ROCK1: variants seen among roughly 807,000 people sequenced by gnomAD.
ROCK1 encodes Rho associated coiled-coil containing protein kinase 1.
In ROCK1, 36 loss-of-function variants were observed where a neutral mutation model predicts 196.8. The ratio of observed to expected loss-of-function variants is 0.18; its 90% confidence interval spans 0.14 to 0.24. The LOEUF is 0.24. Ranked by LOEUF, ROCK1 falls within the 10% of genes least tolerant of loss-of-function variation. ROCK1 has a pLI of 1.00. For synonymous variants in ROCK1, 443 were observed against 515.9 expected (o/e 0.86, Z 1.91); for missense variants, 920 against 1,562.0 (o/e 0.59, Z 6.93).
At chr18:21,095,361 T>C (rs2036604682) in intron 1 of ROCK1, among the ~76,000 whole-genome samples, 1 of 152,016 alleles carries the variant, frequency 6.6e-6, no homozygotes. Flanking sequence ...TCTAGGTACA[T>C]ATGCAAAAGA....
intron 4 of ROCK1, among the ~76,000 whole-genome samples, chr18:21,046,798 ATT>A (rs1398960786): frequency 6.6e-6 from 1 of 152,042 alleles, no homozygotes; most frequent in Admixed American, 6.6e-5. Context: ...TTAATGTTTC[ATT>A]TTTTTCAACT....
chr18:21,036,697 C>T lies in ROCK1; in HGVS notation c.1051+2775G>A, dbSNP rs1300770156. ...CCTCAAGAGGTCCTCCCACCTTGGC[C>T]TCCCAAAGTGCTGAGATGACAAGCA... On this transcript the variant is annotated intron_variant, in intron 9 of 32. Transcript: ENST00000399799. 5.3e-5 allele frequency among the ~76,000 whole-genome samples: 8 copies of T among 152,186 alleles called. No homozygotes were observed. The South Asian group carries it at 8.3e-4, about 16-fold the overall frequency.
At chr18:21,096,970 T>C (rs997619874) in intron 1 of ROCK1, among the ~76,000 whole-genome samples, 1 of 152,308 alleles carries the variant, frequency 6.6e-6, no homozygotes, top group Admixed American at 6.5e-5. Flanking sequence ...AACACAGTTG[T>C]GATTTATGTC....
rs2035652249 is a variant in ROCK1, at chr18:20,994,335, T to C, written c.1886-1398A>G. ...ATTATAATTTAAAAAATAAATGATA[T>C]AATTATCTTTAAAATAGGCCAGGTG... is the stretch of plus-strand genomic sequence containing the variant. On this transcript the variant is annotated intron_variant, in intron 16 of 32. Coordinates refer to ENST00000399799, the MANE Select transcript of ROCK1 (RefSeq NM_005406.3). Among the ~76,000 whole-genome samples the C allele has an allele frequency of 3.3e-5, 5 of 152,288 alleles. No homozygotes were observed. In the South Asian group the frequency reaches 8.3e-4, roughly 25 times the overall value.
At chr18:21,071,744 T>C (rs2143552782) in intron 1 of ROCK1, among the ~76,000 whole-genome samples, 1 of 152,018 alleles carries the variant, frequency 6.6e-6, no homozygotes, top group African/African-American at 2.4e-5. Context: ...TCCAGACAGG[T>C]CAAAACATTA....
At chr18:20,958,477 T>A (rs1289429655) in intron 29 of ROCK1, among the ~76,000 whole-genome samples, 1 of 137,762 alleles carries the variant, frequency 7.3e-6, no homozygotes, top group Non-Finnish European at 1.6e-5. Context: ...CTACATAATC[T>A]ATGATAATAT....
At chr18:21,061,682 A>G (rs867794910) in intron 2 of ROCK1, among the ~76,000 whole-genome samples, 6 of 152,254 alleles carry the variant, frequency 3.9e-5, no homozygotes, top group African/African-American at 4.8e-5. Flanking sequence ...TGTATGACTA[A>G]CAAGATGACA....
At chr18:21,053,052 A>G (rs1195572849) in intron 2 of ROCK1, among the ~76,000 whole-genome samples, 1 of 152,224 alleles carries the variant, frequency 6.6e-6, no homozygotes, top group African/African-American at 2.4e-5. Flanking sequence ...AACAAGAGTC[A>G]AGGAAAACAA....
intron 18 of ROCK1, 96 bp from the exon 19 acceptor site, chr18:20,987,206 A>C: frequency 9.3e-7 from 1 of 1,072,114 alleles, no homozygotes; most frequent in Non-Finnish European, 1.4e-6. Flanking sequence ...AAATGTCTCT[A>C]TTGTTTTTAT....
In ROCK1 at chr18:21,111,410, G is replaced by T; in HGVS notation, c.-500C>A. On this transcript the variant is annotated 5_prime_UTR_variant, in exon 1 of 33. Transcript: ENST00000399799. This position sits in a 1 kb window ranked among gnomAD's most constrained non-coding sequence, Gnocchi z 4.2. ...TCGGGCCACGGGCCGGGCCCGCTCC[G>T]CTCAGAGGCGCTGTAGACGGTCTAG... 1 of 367,424 alleles carries T rather than the reference G, an allele frequency of 2.7e-6. No individual in the cohort carries two copies. 22.8% of individuals were successfully genotyped at this position (367,424 alleles called of 1,614,324 possible).
chr18:21,065,048 C>T (rs558691540), intron 2 of ROCK1, among the ~76,000 whole-genome samples: 3 of 152,284 alleles, frequency 2.0e-5, no homozygotes, highest in African/African-American at 7.2e-5. Context: ...AAACATCATA[C>T]GATGCAAAGA....
intron 1 of ROCK1, among the ~76,000 whole-genome samples, chr18:21,100,991 C>G (rs943747780): frequency 8.5e-5 from 13 of 152,156 alleles, no homozygotes; most frequent in African/African-American, 2.4e-5. Flanking sequence ...GTAAACAGTC[C>G]TTTACTTAAA....
At chr18:20,951,986 C>T (rs1192314556) in intron 32 of ROCK1, among the ~76,000 whole-genome samples, 1 of 152,126 alleles carries the variant, frequency 6.6e-6, no homozygotes, top group East Asian at 1.9e-4. Flanking sequence ...GTTTCCAATC[C>T]ATTGGCTGTG....
chr18:21,041,591 G>GA (rs1440682760), intron 8 of ROCK1, among the ~76,000 whole-genome samples: 1 of 151,826 alleles, frequency 6.6e-6, no homozygotes, highest in African/African-American at 2.4e-5. Context: ...ATGTCTAGAA[G>GA]AAAAAAGATA....
At chr18:21,038,111 A>G (rs2036072823) in intron 9 of ROCK1, among the ~76,000 whole-genome samples, 1 of 152,164 alleles carries the variant, frequency 6.6e-6, no homozygotes, top group Non-Finnish European at 1.5e-5. Context: ...GTACGTCTTC[A>G]GCCTTCTTAA....
At chr18:20,998,649 G>A (rs1213995896) in intron 16 of ROCK1, among the ~76,000 whole-genome samples, 1 of 134,548 alleles carries the variant, frequency 7.4e-6, no homozygotes, top group African/African-American at 2.9e-5. Flanking sequence ...CTGTCACCCA[G>A]GCTGGAGTGC....
chr18:21,053,849 A>G (rs2036224919), intron 2 of ROCK1, among the ~76,000 whole-genome samples: 1 of 152,182 alleles, frequency 6.6e-6, no homozygotes. Flanking sequence ...AAAAAAGACA[A>G]CATTTCAAGT....
At chr18:20,994,302 A>G (rs558046882) in intron 16 of ROCK1, among the ~76,000 whole-genome samples, 6 of 152,348 alleles carry the variant, frequency 3.9e-5, no homozygotes, top group African/African-American at 1.4e-4. Context: ...TTGAAGTGCT[A>G]TTTAGAAATT....
chr18:20,978,281 T>C (rs1374619896), intron 22 of ROCK1, among the ~76,000 whole-genome samples: 2 of 150,632 alleles, frequency 1.3e-5, no homozygotes, highest in Admixed American at 6.6e-5. Flanking sequence ...GGATCTAACA[T>C]TGAATGCCAT....
Sources: allele counts gnomAD v4.1 joint callset (sites outside exome capture counted in the v4.1 genomes callset), GRCh38; gene constraint gnomAD v4.1.1; non-coding constraint Gnocchi (gnomAD v3.1); transcripts MANE v1.5; gene names NCBI Gene and HGNC (gene_info 2026-07-23, HGNC 2026-07-21).